The following KCNK12 variants were observed in gnomAD, a reference collection of about 807,000 sequenced individuals.
KCNK12 encodes potassium channel subfamily K member 12.
A neutral mutation model predicts 25.3 loss-of-function variants in KCNK12; 6 were observed. That is an observed-to-expected ratio of 0.24 (90% CI 0.13 to 0.47). KCNK12 has a LOEUF of 0.47. Among genes scored for constraint, KCNK12 ranks in the 20% least tolerant of loss-of-function variants. The pLI is 0.99. For missense variants in KCNK12, 444 were observed against 661.7 expected, an observed-to-expected ratio of 0.67 and a Z score of 3.61; for synonymous variants, 331 against 311.1, an observed-to-expected ratio of 1.06 and a Z score of -0.67.
In KCNK12 at chr2:47,548,269, G is replaced by C. The variant is rs997165825; in HGVS notation, c.391+21672C>G. Among the ~76,000 whole-genome samples the C allele has an allele frequency of 4.6e-5, 7 of 152,168 alleles. No individual in the cohort carries two copies. Among genetic ancestry groups the C allele is most frequent in the African/African-American group, 1.4e-4 (6 of 41,434 alleles). On this transcript the variant is annotated intron_variant, in intron 1 of 1. Coordinates refer to ENST00000327876, the MANE Select transcript of KCNK12 (RefSeq NM_022055.2). The surrounding 1 kb of genome is among the most constrained non-coding windows in gnomAD (Gnocchi z 4.4). ...AGGGTTAAGAACCAGTGGTCTATAG[G>C]CTGGCAAATCCCAAATTTGTATCTC...
At position 47,565,922 on chromosome 2, in the gene KCNK12, T is replaced by A. The variant is rs1669778750; in HGVS notation, c.391+4019A>T. 1 of 152,258 alleles carries A rather than the reference T, an allele frequency of 6.6e-6. No individual in the cohort carries two copies. Among genetic ancestry groups the A allele is most frequent in the Non-Finnish European group, 1.5e-5 (1 of 68,052 alleles). The allele number at this position is 152,258 out of a possible 1,614,324, so 9.4% of individuals were successfully genotyped here. A position where few individuals can be genotyped will look rare whatever the true frequency, so the allele number is the denominator to read the frequency against. On this transcript the variant is annotated intron_variant, in intron 1 of 1. Coordinates refer to ENST00000327876, the MANE Select transcript of KCNK12 (RefSeq NM_022055.2). The surrounding 1 kb of genome is among the most constrained non-coding windows in gnomAD (Gnocchi z 5.0). ...TATGATGAGTGATGCTTGTCTTAGA[T>A]GTTTTTTAATTGGCAGAATGAATAA...
At position 47,562,711 on chromosome 2, in the gene KCNK12, A is replaced by G. The variant is rs1669705734; in HGVS notation, c.391+7230T>C. 1 of 232,984 alleles carries G rather than the reference A, an allele frequency of 4.3e-6. No individual in the cohort carries two copies. Among genetic ancestry groups the G allele is most frequent in the Non-Finnish European group, 8.5e-6 (1 of 118,034 alleles). The allele number at this position is 232,984 out of a possible 1,614,324, so 14.4% of individuals were successfully genotyped here. On this transcript the variant is annotated intron_variant, in intron 1 of 1. Transcript: ENST00000327876. The surrounding 1 kb of genome is among the most constrained non-coding windows in gnomAD (Gnocchi z 4.8). The stretch of plus-strand genomic sequence containing the variant: ...GCTTCAGTACCCTTCTTCATTCTCT[A>G]CCAGCACCTCCCCAACCTCCTGGAA...
In KCNK12 at chr2:47,518,331, TG is replaced by T. The variant is rs1013707099; in HGVS notation, c.*2575del. ...GTACCTTGGAGGACTGGCGTTTCTCTGGGAAGTTGGGAGGTGGGAAGAGGAA... is the reference window on the plus strand; with the variant it reads ...GTACCTTGGAGGACTGGCGTTTCTCTGGAAGTTGGGAGGTGGGAAGAGGAA... On this transcript the variant is annotated 3_prime_UTR_variant, in exon 2 of 2. Coordinates refer to ENST00000327876, the MANE Select transcript of KCNK12 (RefSeq NM_022055.2). The surrounding 1 kb of genome is among the most constrained non-coding windows in gnomAD (Gnocchi z 4.1). The T allele has an allele frequency of 1.4e-4, 22 of 152,350 alleles. No individual in the cohort carries two copies. Among genetic ancestry groups the T allele is most frequent in the African/African-American group, 5.3e-4 (22 of 41,566 alleles). The allele number at this position is 152,350 out of a possible 1,614,324, so 9.4% of individuals were successfully genotyped here.
At chr2:47,524,105 A>G (rs1040075136) in intron 1 of KCNK12, among the ~76,000 whole-genome samples, 3 of 152,188 alleles carry the variant, frequency 2.0e-5, no homozygotes, top group Non-Finnish European at 4.4e-5. Flanking sequence ...ACCCATGTTG[A>G]GGAAGATGGA....
intron 1 of KCNK12, among the ~76,000 whole-genome samples, chr2:47,567,438 A>G (rs1465866790): frequency 6.6e-6 from 1 of 152,234 alleles, no homozygotes; most frequent in East Asian, 1.9e-4. Context: ...GAACTATGTA[A>G]GCAGAAGAGA....
intron 1 of KCNK12, among the ~76,000 whole-genome samples, chr2:47,545,767 G>A (rs547067245): frequency 6.6e-6 from 1 of 152,326 alleles, no homozygotes; most frequent in South Asian, 2.1e-4. Flanking sequence ...TCAGCATAGT[G>A]CTAATAGCAT....
rs527955385 is a variant in KCNK12 at position 47,560,965 on chromosome 2, G to A, written c.391+8976C>T. 4.6e-5 allele frequency among the ~76,000 whole-genome samples: 7 copies of A among 152,298 alleles called. No homozygotes were observed. The highest frequency in any genetic ancestry group is 1.7e-4 in the African/African-American group (7 of 41,552). On this transcript the variant is annotated intron_variant, in intron 1 of 1. Coordinates refer to ENST00000327876, the MANE Select transcript of KCNK12 (RefSeq NM_022055.2). The surrounding 1 kb of genome is among the most constrained non-coding windows in gnomAD (Gnocchi z 4.7). ...TTCCTCCACCCACCAGGGAGTCATG[G>A]TAGCCCTGGGGTGCAGGGAGCAGCA...
rs2104644781 is a variant in KCNK12, at chr2:47,509,344, G to C, written c.*11563C>G. Among the ~76,000 whole-genome samples, 1 of 152,370 alleles carries C rather than the reference G, an allele frequency of 6.6e-6. No individual in the cohort carries two copies. Among genetic ancestry groups the C allele is most frequent in the South Asian group, 2.1e-4 (1 of 4,828 alleles). ...CAAACAGGAAACCTGATTCAGGCCA[G>C]GGTCTTGGAAGGTTGTTCAGGATGA... On this transcript the variant is annotated 3_prime_UTR_variant, in exon 2 of 2. Coordinates refer to ENST00000327876, the MANE Select transcript of KCNK12 (RefSeq NM_022055.2).
In KCNK12 at chr2:47,569,848, AG is replaced by A. The variant is rs1359247086; in HGVS notation, c.391+92del. On this transcript the variant is annotated intron_variant, in intron 1 of 1. Coordinates refer to ENST00000327876, the MANE Select transcript of KCNK12 (RefSeq NM_022055.2). The surrounding 1 kb of genome is among the most constrained non-coding windows in gnomAD (Gnocchi z 4.1). Reference sequence around the variant, plus strand: ...AAAGGGACATTAGAAGGGAAGGCAGAGCCGAGGGACGCGGACCGAGCGGCCG... The same window carrying A: ...AAAGGGACATTAGAAGGGAAGGCAGACCGAGGGACGCGGACCGAGCGGCCG... The A allele has an allele frequency of 9.4e-7, 1 of 1,058,466 alleles. No individual in the cohort carries two copies. Among genetic ancestry groups the A allele is most frequent in the Non-Finnish European group, 1.2e-6 (1 of 810,530 alleles). 65.6% of individuals were successfully genotyped at this position (1,058,466 alleles called of 1,614,324 possible). A position where few individuals can be genotyped will look rare whatever the true frequency, so the allele number is the denominator to read the frequency against.
chr2:47,559,587 T>C (rs1302178291), intron 1 of KCNK12, among the ~76,000 whole-genome samples: 1 of 152,238 alleles, frequency 6.6e-6, no homozygotes, highest in African/African-American at 2.4e-5. Flanking sequence ...ATGGTTATTA[T>C]CATGTTATTA....
intron 1 of KCNK12, among the ~76,000 whole-genome samples, chr2:47,537,353 T>A (rs1419292881): frequency 6.6e-6 from 1 of 150,838 alleles, no homozygotes; most frequent in African/African-American, 2.4e-5. Flanking sequence ...TTTTTTGAGA[T>A]GGCATCTTGC....
chr2:47,534,528 C>G (rs1329247477), intron 1 of KCNK12, among the ~76,000 whole-genome samples: 1 of 130,134 alleles, frequency 7.7e-6, no homozygotes, highest in Admixed American at 7.6e-5. Context: ...CCCCCCCCCG[C>G]CCCCACACAC....
chr2:47,526,990 G>C (rs754848073), intron 1 of KCNK12, among the ~76,000 whole-genome samples: 1 of 152,178 alleles, frequency 6.6e-6, no homozygotes, highest in Non-Finnish European at 1.5e-5. Flanking sequence ...GGGGAGAACA[G>C]CTCCATTCAA....
chr2:47,524,096 C>T (rs910180896), intron 1 of KCNK12, among the ~76,000 whole-genome samples: 1 of 152,004 alleles, frequency 6.6e-6, no homozygotes, highest in Non-Finnish European at 1.5e-5. Context: ...TATGATGTTA[C>T]CCATGTTGAG....
intron 1 of KCNK12, chr2:47,563,344 A>AGTGT (rs139507964): frequency 4.7e-5 from 11 of 232,534 alleles, no homozygotes; most frequent in Non-Finnish European, 8.5e-5. Flanking sequence ...CTATGTGAGC[A>AGTGT]GTGTGTGTGT....
At chr2:47,521,889 G>C in intron 1 of KCNK12, 81 bp from the exon 2 acceptor site, 6 of 1,133,822 alleles carry the variant, frequency 5.3e-6, no homozygotes, top group Non-Finnish European at 6.0e-6. Context: ...TGTGGGGGCG[G>C]GGGCATGCAG....
rs1331262942 is a variant in KCNK12 at position 47,540,407 on chromosome 2, A to C, written c.392-18599T>G. Among the ~76,000 whole-genome samples the C allele has an allele frequency of 6.6e-6, 1 of 152,212 alleles. No individual in the cohort carries two copies. The highest frequency in any genetic ancestry group is 1.5e-5 in the Non-Finnish European group (1 of 68,048). On this transcript the variant is annotated intron_variant, in intron 1 of 1. Coordinates refer to ENST00000327876, the MANE Select transcript of KCNK12 (RefSeq NM_022055.2). This position sits in a 1 kb window ranked among gnomAD's most constrained non-coding sequence, Gnocchi z 5.4. ...TCAGGGTTTGAATGAGACCCCGGTA[A>C]CCGCAGCAGTAAAGACCCCTCAAAT...
rs960966610 is a variant in KCNK12 at position 47,519,954 on chromosome 2, G to A, written c.*953C>T. 6.6e-6 allele frequency: 1 copy of A among 152,154 alleles called. No individual in the cohort carries two copies. Among genetic ancestry groups the A allele is most frequent in the East Asian group, 1.9e-4 (1 of 5,192 alleles). 9.4% of individuals were successfully genotyped at this position (152,154 alleles called of 1,614,324 possible). A position where few individuals can be genotyped will look rare whatever the true frequency, so the allele number is the denominator to read the frequency against. ...CCCGGCAACCCCATGATCTCTTAAA[G>A]GGGGAAAAGTTGAACTGATCAACAG... On this transcript the variant is annotated 3_prime_UTR_variant, in exon 2 of 2. Transcript: ENST00000327876.
At chr2:47,542,518 T>C (rs556434003) in intron 1 of KCNK12, among the ~76,000 whole-genome samples, 1 of 152,310 alleles carries the variant, frequency 6.6e-6, no homozygotes, top group African/African-American at 2.4e-5. Flanking sequence ...TTGCTCCCTT[T>C]CATGGGAGCT....
Sources: gnomAD v4.1 joint callset for allele counts (sites outside exome capture counted in the v4.1 genomes callset) on GRCh38, gnomAD v4.1.1 for gene constraint, Gnocchi (gnomAD v3.1) non-coding constraint, MANE v1.5 for transcripts, NCBI Gene and HGNC (gene_info 2026-07-23, HGNC 2026-07-21) for gene names.